The following DCAF13 variants were observed in gnomAD, a reference collection of about 807,000 sequenced individuals.
DCAF13 encodes DDB1- and CUL4-associated factor 13.
Under a neutral mutation model 59.0 loss-of-function variants are expected in DCAF13, and 38 were observed. That is an observed-to-expected ratio of 0.64 (90% CI 0.50 to 0.84). DCAF13 has a LOEUF of 0.84. Among genes scored for constraint, DCAF13 ranks in the 40% least tolerant of loss-of-function variants. The pLI is 0.00. For missense variants in DCAF13, 469 were observed against 558.4 expected, an observed-to-expected ratio of 0.84 and a Z score of 1.61; for synonymous variants, 173 against 175.0, an observed-to-expected ratio of 0.99 and a Z score of 0.09.
At chr8:103,422,658 A>G (rs951909062) in intron 3 of DCAF13, among the ~76,000 whole-genome samples, 1 of 152,222 alleles carries the variant, frequency 6.6e-6, no homozygotes, top group Non-Finnish European at 1.5e-5. Flanking sequence ...TTCTAACACT[A>G]TTAGTTTGGT....
intron 1 of DCAF13, among the ~76,000 whole-genome samples, chr8:103,417,051 G>A (rs2892544): frequency 0.012 from 1,827 of 152,228 alleles, 38 homozygotes; most frequent in African/African-American, 0.042. Flanking sequence ...ATCATTTTGG[G>A]TATGCTTTCT....
chr8:103,422,554 AG>A (rs1414523019), intron 3 of DCAF13, among the ~76,000 whole-genome samples: 1 of 152,222 alleles, frequency 6.6e-6, no homozygotes, highest in East Asian at 1.9e-4. Flanking sequence ...ACTACTACAA[AG>A]AATAATGAAA....
intron 3 of DCAF13, among the ~76,000 whole-genome samples, chr8:103,421,575 A>G (rs1026173496): frequency 2.6e-5 from 4 of 152,228 alleles, no homozygotes; most frequent in Non-Finnish European, 4.4e-5. Context: ...AACTATAGTC[A>G]TTAAACAATA....
chr8:103,424,742 A>G (rs1417309607), intron 3 of DCAF13, among the ~76,000 whole-genome samples: 1 of 152,148 alleles, frequency 6.6e-6, no homozygotes, highest in African/African-American at 2.4e-5. Context: ...TCAGGGACAC[A>G]GTTTATCCTG....
At position 103,442,787 on chromosome 8, in the gene DCAF13, A is replaced by G. The variant is rs1563508130; in HGVS notation, c.1251-8A>G. ...AACTTGCTTATATTTTGTATATTTTATTTCTAGGGAAGTGAATCGTATTAA... is the reference window on the plus strand; with the variant it reads ...AACTTGCTTATATTTTGTATATTTTGTTTCTAGGGAAGTGAATCGTATTAA... On this transcript the variant is annotated splice_region_variant and splice_polypyrimidine_tract_variant and intron_variant, in intron 10 of 10. Coordinates refer to ENST00000612750, the MANE Select transcript of DCAF13 (RefSeq NM_015420.7). The G allele has an allele frequency of 1.9e-6, 3 of 1,557,700 alleles. No homozygotes were observed. Among genetic ancestry groups the G allele is most frequent in the Non-Finnish European group, 8.7e-7 (1 of 1,154,984 alleles).
chr8:103,427,423 T>A, intron 5 of DCAF13, 171 bp downstream of exon 5: 1 of 631,022 alleles, frequency 1.6e-6, no homozygotes, highest in East Asian at 2.8e-5. Flanking sequence ...AATCCCAACA[T>A]GTTTCCCAGC....
chr8:103,443,011 C>A lies in DCAF13; in HGVS notation c.*129C>A. The A allele has an allele frequency of 1.8e-6, 1 of 550,466 alleles. No individual in the cohort carries two copies. Among genetic ancestry groups the A allele is most frequent in the Non-Finnish European group, 3.1e-6 (1 of 327,408 alleles). 34.1% of individuals were successfully genotyped at this position (550,466 alleles called of 1,614,324 possible). A position where few individuals can be genotyped will look rare whatever the true frequency, so the allele number is the denominator to read the frequency against. ...ATATGTGTAGAGCTTTATTGTTACTCCTTTTAGCTACCCTGAAAAATGATC... is the reference window on the plus strand; with the variant it reads ...ATATGTGTAGAGCTTTATTGTTACTACTTTTAGCTACCCTGAAAAATGATC... On this transcript the variant is annotated 3_prime_UTR_variant, in exon 11 of 11. Coordinates refer to ENST00000612750, the MANE Select transcript of DCAF13 (RefSeq NM_015420.7).
intron 1 of DCAF13, among the ~76,000 whole-genome samples, chr8:103,415,822 A>C (rs1264753891): frequency 6.6e-6 from 1 of 152,174 alleles, no homozygotes; most frequent in Non-Finnish European, 1.5e-5. Context: ...TGAAAAGTGG[A>C]CTTGAATGAG....
chr8:103,441,642 T>TA (rs747917203), intron 10 of DCAF13, 24 bp downstream of exon 10: 50 of 1,603,048 alleles, frequency 3.1e-5, no homozygotes, highest in Non-Finnish European at 3.6e-5. Context: ...CATTTGACTC[T>TA]ATTACCCTTT....
chr8:103,420,865 T>G, intron 2 of DCAF13, 110 bp from the exon 3 acceptor site: 1 of 722,026 alleles, frequency 1.4e-6, no homozygotes, highest in Admixed American at 2.4e-5. Flanking sequence ...TCCAAAGGAT[T>G]TTGGTTTTAG....
intron 1 of DCAF13, among the ~76,000 whole-genome samples, chr8:103,417,727 C>CT (rs1459401646): frequency 6.6e-6 from 1 of 151,580 alleles, no homozygotes; most frequent in African/African-American, 2.4e-5. Context: ...CTCAAAAACT[C>CT]TGTTATTAAT....
intron 3 of DCAF13, among the ~76,000 whole-genome samples, chr8:103,423,034 A>G (rs573379439): frequency 7.9e-5 from 12 of 152,350 alleles, no homozygotes; most frequent in African/African-American, 2.9e-4. Context: ...AAAAAGCAGA[A>G]TAGGCTACCT....
At position 103,425,963 on chromosome 8, in the gene DCAF13, T is replaced by G. The variant is rs1430295421; in HGVS notation, c.379-93T>G. ...CTGGAATGATATGGTATGTTACCTG[T>G]TTTAAACAAGATACTTATTTGATAT... On this transcript the variant is annotated intron_variant, in intron 3 of 10. Coordinates refer to ENST00000612750, the MANE Select transcript of DCAF13 (RefSeq NM_015420.7). The G allele has an allele frequency of 4.7e-6, 4 of 848,496 alleles. No individual in the cohort carries two copies. In the African/African-American group the frequency reaches 5.0e-5, roughly 11 times the overall value. 52.6% of individuals were successfully genotyped at this position (848,496 alleles called of 1,614,324 possible). A position where few individuals can be genotyped will look rare whatever the true frequency, so the allele number is the denominator to read the frequency against.
intron 7 of DCAF13, among the ~76,000 whole-genome samples, chr8:103,435,259 A>T (rs1238710816): frequency 6.6e-6 from 1 of 152,166 alleles, no homozygotes; most frequent in East Asian, 1.9e-4. Context: ...AATTTTATTA[A>T]AAGTATGTAT....
At position 103,432,678 on chromosome 8, in the gene DCAF13, C is replaced by G. The variant is rs1317680154; in HGVS notation, c.722C>G (p.Thr241Arg). ...TCTCAGGTTATCTTAGATATGAGAA[C>G]AAATACAATCTGTTGGAACCCTATG... ...PLKKVILDMR[T>R]NTICWNPMEA... is the part of the protein sequence containing the mutation. Residue 241 changes from threonine (T) to arginine (R), a missense_variant, in exon 7 of 11, where the codon ACA (threonine) becomes AGA (arginine). Thr to Arg is a moderately conservative substitution (Grantham distance 71). Around this residue, in one of 3 missense-constraint regions of DCAF13, gnomAD observed 355 missense variants for 399.1 expected, o/e 0.89. Coordinates refer to ENST00000612750, the MANE Select transcript of DCAF13 (RefSeq NM_015420.7). 1 of 1,599,942 alleles carries G rather than the reference C, an allele frequency of 6.3e-7. No individual in the cohort carries two copies. The highest frequency in any genetic ancestry group is 1.3e-5 in the African/African-American group (1 of 74,586).
intron 8 of DCAF13, 89 bp downstream of exon 8, chr8:103,435,879 C>A: frequency 1.5e-6 from 2 of 1,351,342 alleles, no homozygotes; most frequent in Non-Finnish European, 2.1e-6. Flanking sequence ...GCGATTTCAT[C>A]ATTGTGTGAA....
At position 103,426,113 on chromosome 8, in the gene DCAF13, G is replaced by A. The variant is rs374721908; in HGVS notation, c.436G>A (p.Glu146Lys). The change falls in exon 4 of 11, where the codon GAG (glutamate) becomes AAG (lysine). Residue 146 changes from glutamate to lysine, a missense_variant. Around this residue, in one of 3 missense-constraint regions of DCAF13, gnomAD observed 355 missense variants for 399.1 expected, o/e 0.89. Transcript: ENST00000612750. ...AATGGATGGGCCAGGCTATGGAGAC[G>A]AGGAAGAGCCATTACATACAATATT... ...WKMDGPGYGDEEEPLHTILGK... is the reference protein window; with the variant it reads ...WKMDGPGYGDKEEPLHTILGK... 4.8e-5 allele frequency: 78 copies of A among 1,611,888 alleles called. No homozygotes were observed. In the African/African-American group the frequency reaches 7.6e-4, roughly 16 times the overall value.
chr8:103,435,572 G>A, intron 7 of DCAF13, 54 bp from the exon 8 acceptor site: 1 of 1,396,172 alleles, frequency 7.2e-7, no homozygotes. Context: ...TTTTAGTACT[G>A]CATATGGCAT....
intron 1 of DCAF13, among the ~76,000 whole-genome samples, chr8:103,416,577 A>T (rs905176233): frequency 1.3e-5 from 2 of 152,190 alleles, no homozygotes; most frequent in African/African-American, 4.8e-5. Context: ...TTCACCGAAC[A>T]GTAATCTGTT....
Sources: allele counts gnomAD v4.1 joint callset (sites outside exome capture counted in the v4.1 genomes callset), GRCh38; gene constraint gnomAD v4.1.1; regional missense constraint gnomAD v4.1.1; transcripts MANE v1.5; gene names NCBI Gene and HGNC (gene_info 2026-07-23, HGNC 2026-07-21).